The following WDR25 variants were observed in gnomAD, a reference collection of about 807,000 sequenced individuals.
WDR25 encodes the protein WD repeat domain 25, also known as WD repeat-containing protein 25.
A neutral mutation model predicts 47.7 loss-of-function variants in WDR25; 35 were observed. That is an observed-to-expected ratio of 0.73 (90% confidence interval 0.56 to 0.97). The LOEUF (loss-of-function observed/expected upper bound fraction) is 0.97. WDR25 is among the 50% of genes least tolerant of loss of function. WDR25 has a pLI of 0.00. For missense variants in WDR25, 634 were observed against 704.7 expected, an observed-to-expected ratio of 0.90 and a Z score of 1.14; for synonymous variants, 248 against 278.9, an observed-to-expected ratio of 0.89 and a Z score of 1.10.
At chr14:100,503,082 C>T (rs1239127551) in intron 4 of WDR25, among the ~76,000 whole-genome samples, 7 of 151,354 alleles carry the variant, frequency 4.6e-5, no homozygotes, top group African/African-American at 1.7e-4. Context: ...TGTGTGCATG[C>T]GCATTCAGAG....
chr14:100,413,540 A>C (rs1487702963), intron 2 of WDR25, among the ~76,000 whole-genome samples: 2 of 151,660 alleles, frequency 1.3e-5, no homozygotes, highest in African/African-American at 4.9e-5. Flanking sequence ...CAGCCTCCCG[A>C]GTAGCTGGGA....
chr14:100,517,975 A>T lies in WDR25; in HGVS notation c.1102-7895A>T, dbSNP rs186424359. ...ACATTGAAGATCCCCTTCCCAGACA[A>T]TGCTATATATTTTTTTCAAGAGTCA... On this transcript the variant is annotated intron_variant, in intron 4 of 6. Coordinates refer to ENST00000402312, the MANE Select transcript of WDR25 (RefSeq NM_001161476.3). Among the ~76,000 whole-genome samples the T allele has an allele frequency of 1.8e-3, 275 of 152,302 alleles. 2 individuals carry two copies. The highest frequency in any genetic ancestry group is 3.1e-3 in the Non-Finnish European group (214 of 68,022).
intron 4 of WDR25, among the ~76,000 whole-genome samples, chr14:100,505,064 T>G (rs2140354585): frequency 6.6e-6 from 1 of 152,278 alleles, no homozygotes; most frequent in South Asian, 2.1e-4. Context: ...CTATATAAAT[T>G]TATTATTATT....
chr14:100,526,710 A>G (rs2030161649), intron 5 of WDR25, among the ~76,000 whole-genome samples: 1 of 149,322 alleles, frequency 6.7e-6, no homozygotes, highest in Admixed American at 6.7e-5. Context: ...CACCATCAGT[A>G]CCACCATCAG....
At position 100,468,849 on chromosome 14, in the gene WDR25, T is replaced by C. The variant is rs1180140318; in HGVS notation, c.970+681T>C. Among the ~76,000 whole-genome samples the C allele has an allele frequency of 6.6e-6, 1 of 152,160 alleles. No individual in the cohort carries two copies. The highest frequency in any genetic ancestry group is 6.5e-5 in the Admixed American group (1 of 15,282). ...AGAGCTGGGATTCGCACCTCTGCCA[T>C]CTGCCTCCCAGTCCGAGCTCCTTCC... On this transcript the variant is annotated intron_variant, in intron 3 of 6. Transcript: ENST00000402312. The surrounding 1 kb of genome is among the most constrained non-coding windows in gnomAD (Gnocchi z 4.5).
chr14:100,452,714 C>T (rs1007529532), intron 2 of WDR25, among the ~76,000 whole-genome samples: 7 of 152,106 alleles, frequency 4.6e-5, no homozygotes, highest in Non-Finnish European at 8.8e-5. Context: ...GGCTATAACT[C>T]GACTCTGATG....
At chr14:100,455,842 C>CCATA (rs1899186533) in intron 2 of WDR25, among the ~76,000 whole-genome samples, 2 of 152,188 alleles carry the variant, frequency 1.3e-5, no homozygotes, top group African/African-American at 2.4e-5. Context: ...TTCTTGTTAT[C>CCATA]TATGACACAG....
intron 2 of WDR25, among the ~76,000 whole-genome samples, chr14:100,408,139 A>G (rs1897598090): frequency 6.6e-6 from 1 of 152,138 alleles, no homozygotes; most frequent in East Asian, 1.9e-4. Flanking sequence ...ACGGGGAGCC[A>G]TGGAACGTGC....
In WDR25 at chr14:100,529,390, C is replaced by G. The variant is rs754014719; in HGVS notation, c.1413+182C>G. ...TCAAGTCCCTGAACCACATCTGGTC[C>G]TCACCCCAGGCCCCACGTACTGGGC... is the stretch of plus-strand genomic sequence containing the variant. On this transcript the variant is annotated intron_variant, in intron 6 of 6. Transcript: ENST00000402312. This position sits in a 1 kb window ranked among gnomAD's most constrained non-coding sequence, Gnocchi z 5.1. 71 of 913,900 alleles carry G rather than the reference C, an allele frequency of 7.8e-5. No individual in the cohort carries two copies. The highest frequency in any genetic ancestry group is 1.2e-4 in the Non-Finnish European group (71 of 614,386). The allele number at this position is 913,900 out of a possible 1,614,324, so 56.6% of individuals were successfully genotyped here.
intron 3 of WDR25, among the ~76,000 whole-genome samples, chr14:100,482,409 A>G (rs965284824): frequency 6.6e-6 from 1 of 152,228 alleles, no homozygotes; most frequent in African/African-American, 2.4e-5. Context: ...TCCTTGCATC[A>G]TCCTTTAAAG....
Position 100,428,547 on chromosome 14 carries a change from G to A in WDR25, c.823-39474G>A, listed in dbSNP as rs1471745391. ...TCTCTCTGCGTTCTTAGTGGAGGTG[G>A]CCCCTGTGGTGGTCCCTGTTGATGC... On this transcript the variant is annotated intron_variant, in intron 2 of 6. Transcript: ENST00000402312. The surrounding 1 kb of genome is among the most constrained non-coding windows in gnomAD (Gnocchi z 4.3). 6.6e-6 allele frequency among the ~76,000 whole-genome samples: 1 copy of A among 152,140 alleles called. No individual in the cohort carries two copies. The highest frequency in any genetic ancestry group is 1.5e-5 in the Non-Finnish European group (1 of 68,032).
At chr14:100,382,263 G>A in intron 2 of WDR25, 1 of 683,430 alleles carries the variant, frequency 1.5e-6, no homozygotes, top group Non-Finnish European at 2.7e-6. Flanking sequence ...GGACACACAG[G>A]TGCTCTGGGA....
At chr14:100,467,087 G>A (rs115193119) in intron 2 of WDR25, among the ~76,000 whole-genome samples, 228 of 152,338 alleles carry the variant, frequency 1.5e-3, no homozygotes, top group African/African-American at 5.4e-3. Flanking sequence ...ATACCCTCAT[G>A]AAAGGCCAGC....
At chr14:100,417,184 G>A (rs1311031990) in intron 2 of WDR25, among the ~76,000 whole-genome samples, 1 of 152,246 alleles carries the variant, frequency 6.6e-6, no homozygotes, top group Non-Finnish European at 1.5e-5. Flanking sequence ...TGTGTGGCAT[G>A]GCCAGAGTCC....
intron 3 of WDR25, among the ~76,000 whole-genome samples, chr14:100,482,336 G>C (rs111386475): frequency 2.4e-4 from 36 of 152,160 alleles, no homozygotes; most frequent in African/African-American, 8.7e-4. Context: ...GATGATTTCA[G>C]AGAGGTTCAT....
At chr14:100,485,187 C>T (rs556465903) in intron 4 of WDR25, among the ~76,000 whole-genome samples, 4 of 151,986 alleles carry the variant, frequency 2.6e-5, no homozygotes, top group African/African-American at 4.8e-5. Flanking sequence ...GCTTGCTGCC[C>T]CCTGTCATGG....
chr14:100,406,114 C>G (rs1897530306), intron 2 of WDR25, among the ~76,000 whole-genome samples: 1 of 152,136 alleles, frequency 6.6e-6, no homozygotes, highest in Non-Finnish European at 1.5e-5. Flanking sequence ...AAGCCCATGT[C>G]AGGCACGTGG....
intron 4 of WDR25, among the ~76,000 whole-genome samples, chr14:100,501,217 C>T (rs1025715518): frequency 4.2e-5 from 6 of 142,054 alleles, no homozygotes; most frequent in African/African-American, 6.3e-5. Flanking sequence ...AGCTGGCGAG[C>T]CCAACTTTCC....
intron 2 of WDR25, among the ~76,000 whole-genome samples, chr14:100,456,203 T>A (rs999497081): frequency 1.3e-5 from 2 of 151,968 alleles, no homozygotes; most frequent in African/African-American, 4.8e-5. Context: ...AAAAATTAGG[T>A]AGGCATGGTG....
Sources: allele counts gnomAD v4.1 joint callset (sites outside exome capture counted in the v4.1 genomes callset), GRCh38; gene constraint gnomAD v4.1.1; non-coding constraint Gnocchi (gnomAD v3.1); transcripts MANE v1.5; gene names NCBI Gene and HGNC (gene_info 2026-07-23, HGNC 2026-07-21).